BRWD3: variants seen among roughly 807,000 people sequenced by gnomAD.
The protein encoded by BRWD3 is bromodomain and WD repeat domain containing 3, also known as bromodomain and WD repeat-containing protein 3.
BRWD3 carries 10 observed loss-of-function variants against 149.7 expected under a neutral mutation model. The observed-to-expected ratio is 0.07, with a 90% CI of 0.04 to 0.11. BRWD3 has a LOEUF of 0.11. Among genes scored for constraint, BRWD3 ranks in the 10% least tolerant of loss-of-function variants. The pLI is 1.00. For synonymous variants in BRWD3, 504 were observed against 456.7 expected (o/e 1.10, Z -1.32); for missense variants, 940 against 1,373.2 (o/e 0.68, Z 4.99).
At chrX:80,696,601 A>G (rs976675461) in intron 26 of BRWD3, 138 bp downstream of exon 26, 3 of 678,009 alleles carry the variant, frequency 4.4e-6, no homozygotes, top group Admixed American at 5.6e-5. Flanking sequence ...TAGGAATTAA[A>G]CTCTGGTCTT....
chrX:80,767,725 G>A (rs960666166), intron 6 of BRWD3, among the ~76,000 whole-genome samples: 2 of 112,218 alleles, frequency 1.8e-5, no homozygotes, highest in Non-Finnish European at 3.8e-5. Context: ...GATGAAGAAT[G>A]ACTTTGACAA....
rs759248917 is a variant in BRWD3 at position 80,678,863 on chromosome X, G to T, written c.4655-1500C>A. ...ATGTGGAAGCCCTAATCCCCGAAGT[G>T]ACTGCAGTTGGAGATTAGGGCATTT... On this transcript the variant is annotated intron_variant, in intron 40 of 40. Coordinates refer to ENST00000373275, the MANE Select transcript of BRWD3 (RefSeq NM_153252.5). Among the ~76,000 whole-genome samples the T allele has an allele frequency of 7.2e-5, 8 of 111,563 alleles. No individual in the cohort carries two copies. In the South Asian group the frequency reaches 3.0e-3, roughly 42 times the overall value.
At chrX:80,695,849 TA>T in intron 27 of BRWD3, 58 bp downstream of exon 27, 1 of 979,921 alleles carries the variant, frequency 1.0e-6, no homozygotes, top group East Asian at 3.1e-5. Flanking sequence ...AAATCACAGT[TA>T]AAAAGTTACT....
intron 17 of BRWD3, among the ~76,000 whole-genome samples, chrX:80,720,491 C>T (rs1157363480): frequency 9.0e-6 from 1 of 111,532 alleles, no homozygotes; most frequent in Non-Finnish European, 1.9e-5. Context: ...ATATTTTATA[C>T]AGCTGTACAA....
At chrX:80,753,439 T>G (rs2073697642) in intron 6 of BRWD3, among the ~76,000 whole-genome samples, 1 of 110,029 alleles carries the variant, frequency 9.1e-6, no homozygotes, top group Non-Finnish European at 1.9e-5. Flanking sequence ...CTAGCTAATT[T>G]TTTGTATTTT....
chrX:80,707,514 G>C lies in BRWD3; in HGVS notation c.2476-11C>G. ...AACAGTTTCATCTTCCTACAACAAA[G>C]AGCCAGCAATTAAGATATATGGATA... On this transcript the variant is annotated splice_polypyrimidine_tract_variant and intron_variant, in intron 21 of 40. Coordinates refer to ENST00000373275, the MANE Select transcript of BRWD3 (RefSeq NM_153252.5). The C allele has an allele frequency of 1.7e-6, 2 of 1,202,884 alleles. No homozygotes were observed. The highest frequency in any genetic ancestry group is 2.3e-6 in the Non-Finnish European group (2 of 887,828).
chrX:80,797,326 T>C (rs2074248568), intron 4 of BRWD3, among the ~76,000 whole-genome samples: 1 of 111,684 alleles, frequency 9.0e-6, no homozygotes, highest in African/African-American at 3.3e-5. Flanking sequence ...TTGACATTTT[T>C]ACTGGTAATT....
chrX:80,775,941 T>C (rs1411737277), intron 6 of BRWD3, among the ~76,000 whole-genome samples: 2 of 111,988 alleles, frequency 1.8e-5, no homozygotes, highest in Non-Finnish European at 3.8e-5. Flanking sequence ...CTTCCCTTTG[T>C]AAATAAAGAA....
Position 80,793,638 on chromosome X carries a change from C to T in BRWD3, c.315G>A (p.Leu105=). 2 of 1,210,737 alleles carry T rather than the reference C, an allele frequency of 1.7e-6. No individual in the cohort carries two copies. The highest frequency in any genetic ancestry group is 2.2e-6 in the Non-Finnish European group (2 of 894,923). The change falls in exon 5 of 41, where the codon CTG becomes CTA. Residue 105 remains leucine, a synonymous_variant. Coordinates refer to ENST00000373275, the MANE Select transcript of BRWD3 (RefSeq NM_153252.5). The part of the protein sequence containing the change: ...QTLLGVGRQS[L]LRDAKDCKST... ...AAATCTCACCTTTGGCATCCCGTAG[C>T]AGAGACTGCCGACCAACACCTAATA...
rs749987503 is a variant in BRWD3 at position 80,740,730 on chromosome X, CAACAA to C, written c.813+3297_813+3301del. Among the ~76,000 whole-genome samples, 138 of 111,312 alleles carry C rather than the reference CAACAA, an allele frequency of 1.2e-3. 1 individual carries two copies. The highest frequency in any genetic ancestry group is 3.4e-3 in the Admixed American group (35 of 10,434). On this transcript the variant is annotated intron_variant, in intron 8 of 40. Transcript: ENST00000373275. Reference sequence around the variant, plus strand: ...CACCACTGCACTCCAGCATGGGTGACAACAAAACAAAACAAAACAAAACACATCAA... The same window carrying C: ...CACCACTGCACTCCAGCATGGGTGACAACAAAACAAAACAAAACACATCAA...
intron 7 of BRWD3, among the ~76,000 whole-genome samples, chrX:80,744,503 T>C (rs2073563884): frequency 8.9e-6 from 1 of 112,273 alleles, no homozygotes; most frequent in East Asian, 2.8e-4. Context: ...ATACTGACAA[T>C]GCAAAATATT....
intron 6 of BRWD3, among the ~76,000 whole-genome samples, chrX:80,779,906 C>A (rs1331383772): frequency 1.8e-5 from 2 of 111,460 alleles, no homozygotes; most frequent in Non-Finnish European, 3.8e-5. Flanking sequence ...CTAATAAGTT[C>A]TACAGGCTAT....
intron 20 of BRWD3, among the ~76,000 whole-genome samples, chrX:80,712,824 G>A (rs1409470824): frequency 4.8e-5 from 5 of 103,526 alleles, no homozygotes; most frequent in East Asian, 6.6e-4. Context: ...GGTGAGGAGC[G>A]TCTCTGCCCA....
chrX:80,792,015 A>C, intron 5 of BRWD3, 63 bp from the exon 6 acceptor site: 1 of 678,363 alleles, frequency 1.5e-6, no homozygotes, highest in Non-Finnish European at 2.3e-6. Context: ...CATGTCTCAG[A>C]AGCAAATGTC....
chrX:80,723,065 T>C (rs1193234389), intron 16 of BRWD3, among the ~76,000 whole-genome samples: 2 of 111,817 alleles, frequency 1.8e-5, no homozygotes, highest in African/African-American at 6.5e-5. Context: ...CCAGTAGATA[T>C]AGTTGGGCGT....
At chrX:80,755,936 G>T (rs1418497454) in intron 6 of BRWD3, among the ~76,000 whole-genome samples, 2 of 111,651 alleles carry the variant, frequency 1.8e-5, no homozygotes, top group African/African-American at 6.5e-5. Context: ...CAAGAGAAAT[G>T]AAGCCAACTG....
At chrX:80,715,841 T>C (rs1275315089) in intron 20 of BRWD3, among the ~76,000 whole-genome samples, 1 of 111,993 alleles carries the variant, frequency 8.9e-6, no homozygotes, top group East Asian at 2.8e-4. Flanking sequence ...ATCTGGATCA[T>C]TTGTTTTACA....
At chrX:80,714,775 T>G (rs1401134609) in intron 20 of BRWD3, among the ~76,000 whole-genome samples, 3 of 111,949 alleles carry the variant, frequency 2.7e-5, no homozygotes, top group African/African-American at 9.7e-5. Context: ...ATTCATGCCA[T>G]GTTTAATCCC....
At chrX:80,776,803 T>C (rs753817118) in intron 6 of BRWD3, among the ~76,000 whole-genome samples, 2 of 111,694 alleles carry the variant, frequency 1.8e-5, no homozygotes, top group South Asian at 7.6e-4. Context: ...CCTTGCTTCA[T>C]GATGGTACCC....
Sources: allele counts gnomAD v4.1 joint callset (sites outside exome capture counted in the v4.1 genomes callset), GRCh38; gene constraint gnomAD v4.1.1; transcripts MANE v1.5; gene names NCBI Gene and HGNC (gene_info 2026-07-23, HGNC 2026-07-21).